Variants in PCOLCE2 observed in about 807,000 individuals in gnomAD.
PCOLCE2 encodes the protein procollagen C-endopeptidase enhancer 2.
Under a neutral mutation model 47.0 loss-of-function variants are expected in PCOLCE2, and 42 were observed. That is an observed-to-expected ratio of 0.89 (90% CI 0.70 to 1.16). The LOEUF is 1.16. Ranked by LOEUF, PCOLCE2 falls within the 50% of genes most tolerant of loss-of-function variation. The probability of loss-of-function intolerance (pLI) is 0.00; values close to 1 mark genes in which losing one functional copy is unlikely to be tolerated. For missense variants in PCOLCE2, 500 were observed against 526.1 expected (o/e 0.95, Z 0.49); for synonymous variants, 169 against 191.7 (o/e 0.88, Z 0.98).
rs1013699863 is a variant in PCOLCE2 at position 142,859,882 on chromosome 3, C to A, written c.193-11410G>T. Among the ~76,000 whole-genome samples the A allele has an allele frequency of 3.3e-5, 5 of 152,186 alleles. 1 individual carries two copies. The highest frequency in any genetic ancestry group is 3.3e-4 in the Admixed American group (5 of 15,274). On this transcript the variant is annotated intron_variant, in intron 2 of 8. Transcript: ENST00000295992. ...TTTTATTAGGAATGAAACAAAAAGC[C>A]CTTCCCTTCTGGGATAAGAGAAATC...
At chr3:142,867,956 G>C (rs936187399) in intron 2 of PCOLCE2, among the ~76,000 whole-genome samples, 3 of 152,164 alleles carry the variant, frequency 2.0e-5, no homozygotes, top group African/African-American at 4.8e-5. Context: ...TGAGATGTCT[G>C]AGAAAACTGA....
At chr3:142,825,965 C>T (rs1173076535) in intron 6 of PCOLCE2, among the ~76,000 whole-genome samples, 32 of 151,694 alleles carry the variant, frequency 2.1e-4, no homozygotes, top group East Asian at 1.9e-4. Context: ...CCTAACCTCC[C>T]GTGCTGCCAC....
intron 6 of PCOLCE2, among the ~76,000 whole-genome samples, chr3:142,826,236 T>C (rs1460325391): frequency 6.6e-6 from 1 of 152,068 alleles, no homozygotes. Flanking sequence ...CTCGATCTCC[T>C]GACCTCATGA....
chr3:142,834,344 G>C (rs948851096), intron 5 of PCOLCE2, among the ~76,000 whole-genome samples: 9 of 152,088 alleles, frequency 5.9e-5, no homozygotes, highest in Admixed American at 3.9e-4. Flanking sequence ...TGGAAAACCA[G>C]TTTTAATATT....
In PCOLCE2 at chr3:142,888,968, C is replaced by T; in HGVS notation, c.-72G>A. On this transcript the variant is annotated 5_prime_UTR_variant, in exon 1 of 9. Transcript: ENST00000295992. ...CACACACGCCCCTCCGCACCCACCGCGCTCACACCGCCGCTCACACTGGCA... is the reference window on the plus strand; with the variant it reads ...CACACACGCCCCTCCGCACCCACCGTGCTCACACCGCCGCTCACACTGGCA... 2.2e-6 allele frequency: 1 copy of T among 458,768 alleles called. No individual in the cohort carries two copies. Among genetic ancestry groups the T allele is most frequent in the Non-Finnish European group, 3.5e-6 (1 of 286,320 alleles). 28.4% of individuals were successfully genotyped at this position (458,768 alleles called of 1,614,324 possible).
chr3:142,865,735 G>A (rs571391098), intron 2 of PCOLCE2, among the ~76,000 whole-genome samples: 1 of 152,264 alleles, frequency 6.6e-6, no homozygotes, highest in Non-Finnish European at 1.5e-5. Flanking sequence ...TATGTAGTCA[G>A]CAGGCTCATT....
At chr3:142,821,192 T>C in intron 7 of PCOLCE2, 147 bp from the exon 8 acceptor site, 1 of 630,918 alleles carries the variant, frequency 1.6e-6, no homozygotes, top group South Asian at 2.3e-5. Context: ...CATTTGCTTC[T>C]GTACATTTGT....
intron 6 of PCOLCE2, among the ~76,000 whole-genome samples, chr3:142,823,973 A>T (rs779029051): frequency 3.3e-4 from 51 of 152,240 alleles, no homozygotes; most frequent in Admixed American, 1.0e-3. Flanking sequence ...GAACTCACAG[A>T]ATGTAGGTTA....
intron 2 of PCOLCE2, among the ~76,000 whole-genome samples, chr3:142,867,441 G>A (rs775585034): frequency 2.0e-4 from 30 of 152,220 alleles, no homozygotes; most frequent in South Asian, 8.3e-4. Flanking sequence ...AAAAGTAACT[G>A]TTAATGAGTA....
chr3:142,828,382 A>G (rs557486017), intron 6 of PCOLCE2, among the ~76,000 whole-genome samples: 1 of 152,348 alleles, frequency 6.6e-6, no homozygotes, highest in Non-Finnish European at 1.5e-5. Context: ...CATTAAATTA[A>G]AAGTTCAGTT....
intron 2 of PCOLCE2, among the ~76,000 whole-genome samples, chr3:142,868,538 A>C (rs1019148245): frequency 6.6e-6 from 1 of 151,986 alleles, no homozygotes; most frequent in Admixed American, 6.6e-5. Flanking sequence ...CACCTGCTCC[A>C]CCCTGACTCA....
At chr3:142,859,563 TG>T (rs1410492588) in intron 2 of PCOLCE2, among the ~76,000 whole-genome samples, 1 of 151,502 alleles carries the variant, frequency 6.6e-6, no homozygotes, top group African/African-American at 2.4e-5. Flanking sequence ...TTTTCTTTCT[TG>T]TTTTTTTTTT....
At chr3:142,863,619 G>A (rs899000141) in intron 2 of PCOLCE2, among the ~76,000 whole-genome samples, 1 of 152,130 alleles carries the variant, frequency 6.6e-6, no homozygotes, top group Non-Finnish European at 1.5e-5. Context: ...AGAGGAAGAG[G>A]GTGTGGGAAG....
intron 6 of PCOLCE2, among the ~76,000 whole-genome samples, chr3:142,825,858 C>T (rs1177305230): frequency 6.6e-6 from 1 of 152,178 alleles, no homozygotes; most frequent in Non-Finnish European, 1.5e-5. Context: ...TGCCCTCAGA[C>T]AACTGAGTAC....
chr3:142,887,868 A>C (rs1933745423), intron 1 of PCOLCE2, 91 bp from the exon 2 acceptor site: 1 of 710,676 alleles, frequency 1.4e-6, no homozygotes, highest in African/African-American at 1.8e-5. Flanking sequence ...CTATTAATAT[A>C]AATAAAAGTT....
chr3:142,818,353 T>A lies in PCOLCE2; in HGVS notation c.1230A>T (p.Leu410Phe). Residue 410 changes from leucine to phenylalanine, a missense_variant, in exon 9 of 9, where the codon TTA becomes TTT. Leu to Phe is a conservative substitution (Grantham distance 22, BLOSUM62 0). Transcript: ENST00000295992. ...TTCACTGTTAACATTGCTTATTTTTTAAGGCATCCAGGAGCTTCTGATTCT... is the reference window on the plus strand; with the variant it reads ...TTCACTGTTAACATTGCTTATTTTTAAAGGCATCCAGGAGCTTCTGATTCT... ...KTKNQKLLDA[L>F]KNKQC 1 of 1,613,854 alleles carries A rather than the reference T, an allele frequency of 6.2e-7. No individual in the cohort carries two copies. Among genetic ancestry groups the A allele is most frequent in the Non-Finnish European group, 8.5e-7 (1 of 1,179,788 alleles).
At chr3:142,878,852 CAA>C (rs938399103) in intron 2 of PCOLCE2, among the ~76,000 whole-genome samples, 1 of 136,502 alleles carries the variant, frequency 7.3e-6, no homozygotes. Context: ...GACTTTGTCT[CAA>C]AAAAAAAAAA....
rs78300435 is a variant in PCOLCE2 at position 142,888,071 on chromosome 3, A to T, written c.84-294T>A. On this transcript the variant is annotated intron_variant, in intron 1 of 8. Coordinates refer to ENST00000295992, the MANE Select transcript of PCOLCE2 (RefSeq NM_013363.4). ...AGTCTTGTAGGAAAATGGTAAATAC[A>T]TCAATTTAACTGGGGGAGTGGGAGA... Among the ~76,000 whole-genome samples the T allele has an allele frequency of 6.4e-3, 975 of 152,346 alleles. 24 individuals are homozygous for T. The highest frequency in any genetic ancestry group is 0.044 in the East Asian group (226 of 5,188).
intron 2 of PCOLCE2, among the ~76,000 whole-genome samples, chr3:142,883,777 C>T (rs1267433734): frequency 9.9e-5 from 15 of 151,134 alleles, no homozygotes; most frequent in Admixed American, 9.9e-4. Flanking sequence ...ATAAAATGAA[C>T]AAGTTATGAA....
Sources: gnomAD v4.1 joint callset for allele counts (sites outside exome capture counted in the v4.1 genomes callset) on GRCh38, gnomAD v4.1.1 for gene constraint, MANE v1.5 for transcripts, NCBI Gene and HGNC (gene_info 2026-07-23, HGNC 2026-07-21) for gene names.